Variants in IGSF5 observed in about 807,000 individuals in gnomAD.
IGSF5 encodes the protein immunoglobulin superfamily 5 like.
In IGSF5, 41 loss-of-function variants were observed where a neutral mutation model predicts 39.4. The ratio of observed to expected loss-of-function variants is 1.04; its 90% CI spans 0.81 to 1.35. The LOEUF (loss-of-function observed/expected upper bound fraction) is 1.35. Ranked by LOEUF, IGSF5 falls within the 40% of genes most tolerant of loss-of-function variation. The probability of loss-of-function intolerance (pLI) is 0.00; values close to 1 mark genes in which losing one functional copy is unlikely to be tolerated. For missense variants in IGSF5, 487 were observed against 494.6 expected (o/e 0.98, Z 0.15); for synonymous variants, 183 against 175.3 (o/e 1.04, Z -0.34).
chr21:39,753,952 T>C (rs2080017916), intron 2 of IGSF5, among the ~76,000 whole-genome samples: 1 of 152,108 alleles, frequency 6.6e-6, no homozygotes, highest in African/African-American at 2.4e-5. Flanking sequence ...CATTCTGCCA[T>C]TTTTAATCTT....
At chr21:39,796,279 GT>G (rs1276497596) in intron 8 of IGSF5, among the ~76,000 whole-genome samples, 1 of 152,182 alleles carries the variant, frequency 6.6e-6, no homozygotes, top group Non-Finnish European at 1.5e-5. Flanking sequence ...AGCAGTCAGG[GT>G]GACGCTGGTA....
the IGSF5 span, among the ~76,000 whole-genome samples, chr21:39,738,533 T>C: frequency 1.3e-5 from 2 of 152,168 alleles, no homozygotes; most frequent in South Asian, 4.1e-4. The surrounding 1 kb of genome is among the most constrained non-coding windows in gnomAD (Gnocchi z 6.4). Flanking sequence ...CACATTTTAC[T>C]TGATAATATT....
chr21:39,789,973 G>A (rs181560202), intron 6 of IGSF5, among the ~76,000 whole-genome samples: 3 of 152,294 alleles, frequency 2.0e-5, no homozygotes, highest in African/African-American at 7.2e-5. Flanking sequence ...AAGTGCACAC[G>A]TTACAGGTGT....
At chr21:39,743,992 T>C (rs568087370), upstream of IGSF5, among the ~76,000 whole-genome samples, 20 of 152,234 alleles carry the variant, frequency 1.3e-4, no homozygotes, top group African/African-American at 4.3e-4. Flanking sequence ...AAAAGGAACA[T>C]AGGGATGCCA....
the IGSF5 span, among the ~76,000 whole-genome samples, chr21:39,739,714 G>A: frequency 6.6e-6 from 1 of 152,148 alleles, no homozygotes; most frequent in African/African-American, 2.4e-5. Flanking sequence ...TCCTCAGGAG[G>A]GGTGCCTTCG....
intron 5 of IGSF5, among the ~76,000 whole-genome samples, chr21:39,779,889 C>G (rs2080161186): frequency 6.6e-6 from 1 of 152,042 alleles, no homozygotes; most frequent in Non-Finnish European, 1.5e-5. Flanking sequence ...GTGGGTGTTA[C>G]CAGGGAGTGG....
At chr21:39,739,941 T>C in the IGSF5 span, among the ~76,000 whole-genome samples, 10,594 of 152,258 alleles carry the variant, frequency 0.07, 467 homozygotes, top group Middle Eastern at 0.15. Flanking sequence ...GCCCCAACTA[T>C]CTGCTTGAGA....
chr21:39,776,504 A>G (rs2080141792), intron 4 of IGSF5, among the ~76,000 whole-genome samples: 1 of 152,218 alleles, frequency 6.6e-6, no homozygotes, highest in African/African-American at 2.4e-5. Flanking sequence ...TGCAGGCATC[A>G]CTTTCTGAAC....
chr21:39,771,332 G>T lies in IGSF5; in HGVS notation c.718+117G>T, dbSNP rs535261538. 17 of 935,354 alleles carry T rather than the reference G, an allele frequency of 1.8e-5. No individual in the cohort carries two copies. The Admixed American group carries it at 5.0e-4, about 28-fold the overall frequency. 57.9% of individuals were successfully genotyped at this position (935,354 alleles called of 1,614,324 possible). ...AAATCATATGGCGACCTTGATTTTGGGTGGGGATGATAAGGCCAATCACAT... is the reference window on the plus strand; with the variant it reads ...AAATCATATGGCGACCTTGATTTTGTGTGGGGATGATAAGGCCAATCACAT... On this transcript the variant is annotated intron_variant, in intron 4 of 8. Coordinates refer to ENST00000380588, the MANE Select transcript of IGSF5 (RefSeq NM_001080444.2).
rs529414128 is a variant in IGSF5, at chr21:39,791,921, G to A, written c.957-87G>A. 25 of 817,236 alleles carry A rather than the reference G, an allele frequency of 3.1e-5. No individual in the cohort carries two copies. In the East Asian group the frequency reaches 4.2e-4, roughly 14 times the overall value. 50.6% of individuals were successfully genotyped at this position (817,236 alleles called of 1,614,324 possible). On this transcript the variant is annotated intron_variant, in intron 6 of 8. Transcript: ENST00000380588. ...TAAGCATACTCTTGAGAGTAACCAC[G>A]TGAACTACGTAGGTATCCATTGCCA...
chr21:39,782,995 G>A (rs1232531176), intron 5 of IGSF5, among the ~76,000 whole-genome samples: 2 of 151,778 alleles, frequency 1.3e-5, no homozygotes, highest in Non-Finnish European at 2.9e-5. Context: ...TTATCTTTCT[G>A]TGCCTGACTT....
chr21:39,749,705 T>A, intron 2 of IGSF5, among the ~76,000 whole-genome samples: 1 of 152,180 alleles, frequency 6.6e-6, no homozygotes, highest in Non-Finnish European at 1.5e-5. Flanking sequence ...GTGGGACAAT[T>A]CCAAGTGGGG....
the IGSF5 span, among the ~76,000 whole-genome samples, chr21:39,711,991 T>C: frequency 2.0e-5 from 3 of 152,018 alleles, no homozygotes; most frequent in South Asian, 6.2e-4. Flanking sequence ...GTGGGAAAAG[T>C]CCCCCTCTGG....
chr21:39,765,430 G>A, intron 2 of IGSF5, 105 bp from the exon 3 acceptor site: 1 of 996,094 alleles, frequency 1.0e-6, no homozygotes, highest in Non-Finnish European at 1.5e-6. Context: ...GTCACTGGAT[G>A]GACAACCTGG....
the IGSF5 span, among the ~76,000 whole-genome samples, chr21:39,714,089 C>G: frequency 2.0e-5 from 3 of 152,340 alleles, no homozygotes; most frequent in East Asian, 5.8e-4. Flanking sequence ...GCGAGCTGCT[C>G]CTACTCCTCT....
At chr21:39,776,430 G>A (rs2080141288) in intron 4 of IGSF5, among the ~76,000 whole-genome samples, 2 of 152,266 alleles carry the variant, frequency 1.3e-5, no homozygotes, top group South Asian at 4.1e-4. Flanking sequence ...GGAAGTGAAA[G>A]AATAAGTGAT....
chr21:39,722,148 G>C, the IGSF5 span, among the ~76,000 whole-genome samples: 1 of 152,150 alleles, frequency 6.6e-6, no homozygotes, highest in Non-Finnish European at 1.5e-5. Context: ...TATGTTTTTA[G>C]AAAGCACTGA....
chr21:39,786,767 A>G (rs879097804), intron 5 of IGSF5, among the ~76,000 whole-genome samples: 3 of 152,258 alleles, frequency 2.0e-5, no homozygotes, highest in Non-Finnish European at 4.4e-5. Flanking sequence ...ACCATGGAAT[A>G]CTATGCAGCC....
chr21:39,742,580 G>C (rs146311766), upstream of IGSF5, among the ~76,000 whole-genome samples: 65 of 152,344 alleles, frequency 4.3e-4, no homozygotes, highest in East Asian at 0.011. Context: ...ATCCCCTGGG[G>C]CAGTGGGCCT....
Sources: gnomAD v4.1 joint callset for allele counts (sites outside exome capture counted in the v4.1 genomes callset) on GRCh38, gnomAD v4.1.1 for gene constraint, Gnocchi (gnomAD v3.1) non-coding constraint, MANE v1.5 for transcripts, NCBI Gene and HGNC (gene_info 2026-07-23, HGNC 2026-07-21) for gene names.